The following ARNT2 variants were observed in gnomAD, a reference collection of about 807,000 sequenced individuals.
The protein encoded by ARNT2 is aryl hydrocarbon receptor nuclear translocator 2.
A neutral mutation model predicts 91.7 loss-of-function variants in ARNT2; 36 were observed. That is an observed-to-expected ratio of 0.39 (90% CI 0.30 to 0.52). The LOEUF is 0.52. ARNT2 is among the 20% of genes least tolerant of loss of function. The pLI is 0.72. For missense variants in ARNT2, 775 were observed against 939.3 expected, an observed-to-expected ratio of 0.83 and a Z score of 2.29; for synonymous variants, 365 against 347.1, an observed-to-expected ratio of 1.05 and a Z score of -0.57.
chr15:80,458,715 G>A (rs1896513447), intron 3 of ARNT2, among the ~76,000 whole-genome samples: 1 of 151,628 alleles, frequency 6.6e-6, no homozygotes. Flanking sequence ...GTTTGGCAGT[G>A]TTGACAGGAA....
chr15:80,479,685 A>T (rs918613279), intron 5 of ARNT2, among the ~76,000 whole-genome samples: 2 of 151,994 alleles, frequency 1.3e-5, no homozygotes, highest in Non-Finnish European at 2.9e-5. Flanking sequence ...GAGGAGGGGG[A>T]CTGGTGAAAA....
chr15:80,593,825 C>G lies in ARNT2; in HGVS notation c.*127C>G, dbSNP rs149391331. ...GCCCCCCACCAGAAGCCATCTCCCCCGCTGTGTGTCCCCAGGCGCATCATT... is the reference window on the plus strand; with the variant it reads ...GCCCCCCACCAGAAGCCATCTCCCCGGCTGTGTGTCCCCAGGCGCATCATT... On this transcript the variant is annotated 3_prime_UTR_variant, in exon 19 of 19. Coordinates refer to ENST00000303329, the MANE Select transcript of ARNT2 (RefSeq NM_014862.4). 3.5e-4 allele frequency: 287 copies of G among 825,768 alleles called. 1 individual carries two copies. The highest frequency in any genetic ancestry group is 4.7e-4 in the African/African-American group (28 of 59,364). 51.2% of individuals were successfully genotyped at this position (825,768 alleles called of 1,614,324 possible).
chr15:80,467,364 C>A (rs4778597), intron 3 of ARNT2, among the ~76,000 whole-genome samples: 1 of 152,006 alleles, frequency 6.6e-6, no homozygotes, highest in East Asian at 1.9e-4. Context: ...TGTGCTGAAT[C>A]GAAGATAAGT....
At chr15:80,555,283 A>G (rs1898159877) in intron 11 of ARNT2, 144 bp downstream of exon 11, 2 of 738,116 alleles carry the variant, frequency 2.7e-6, no homozygotes, top group Non-Finnish European at 4.6e-6. Context: ...CTAGGAAGTC[A>G]CTCACAGTCT....
chr15:80,561,220 A>G (rs890368187), intron 11 of ARNT2, among the ~76,000 whole-genome samples: 22 of 152,088 alleles, frequency 1.4e-4, no homozygotes, highest in Non-Finnish European at 8.8e-5. Flanking sequence ...TTCCCTGATC[A>G]CAGGGACCAA....
chr15:80,506,239 A>G (rs894384202), intron 5 of ARNT2, among the ~76,000 whole-genome samples: 3 of 152,336 alleles, frequency 2.0e-5, no homozygotes, highest in African/African-American at 7.2e-5. Context: ...CCCGGCCCCA[A>G]CATTTGTTAA....
intron 5 of ARNT2, among the ~76,000 whole-genome samples, chr15:80,496,197 A>T (rs1897124709): frequency 6.6e-6 from 1 of 152,146 alleles, no homozygotes; most frequent in South Asian, 2.1e-4. Flanking sequence ...TTTTGAAAAA[A>T]AAAAATCCAT....
At chr15:80,455,922 A>G (rs2141383951) in intron 2 of ARNT2, among the ~76,000 whole-genome samples, 1 of 152,346 alleles carries the variant, frequency 6.6e-6, no homozygotes, top group African/African-American at 2.4e-5. Flanking sequence ...TGTTTTTGAC[A>G]GCACGCACGG....
chr15:80,511,897 G>C (rs1897347829), intron 6 of ARNT2, among the ~76,000 whole-genome samples: 1 of 152,128 alleles, frequency 6.6e-6, no homozygotes, highest in Non-Finnish European at 1.5e-5. Context: ...CTACTGATGA[G>C]CCCTGAATGT....
At chr15:80,539,787 G>A (rs991585988) in intron 8 of ARNT2, among the ~76,000 whole-genome samples, 2 of 151,306 alleles carry the variant, frequency 1.3e-5, no homozygotes, top group Admixed American at 1.3e-4. Flanking sequence ...AATTATCTTA[G>A]TGTTGCTAAT....
At chr15:80,485,850 C>A (rs750139591) in intron 5 of ARNT2, among the ~76,000 whole-genome samples, 3 of 152,136 alleles carry the variant, frequency 2.0e-5, no homozygotes, top group Non-Finnish European at 2.9e-5. Context: ...TAGGAGGATG[C>A]TAGAGTTATC....
At chr15:80,502,951 A>G (rs993481303) in intron 5 of ARNT2, among the ~76,000 whole-genome samples, 5 of 152,186 alleles carry the variant, frequency 3.3e-5, no homozygotes, top group Non-Finnish European at 5.9e-5. Context: ...ATTACAAAAG[A>G]ACCAGAGTCC....
At chr15:80,530,485 C>T (rs980243367) in intron 8 of ARNT2, among the ~76,000 whole-genome samples, 5 of 152,158 alleles carry the variant, frequency 3.3e-5, no homozygotes, top group Non-Finnish European at 4.4e-5. Context: ...GCCTTTTCCT[C>T]ATATGCAGGG....
intron 2 of ARNT2, among the ~76,000 whole-genome samples, chr15:80,453,812 G>T (rs1248329353): frequency 2.0e-5 from 3 of 152,184 alleles, no homozygotes; most frequent in Non-Finnish European, 4.4e-5. Flanking sequence ...AGGAGGAATG[G>T]GGGTGGTGGA....
chr15:80,484,975 A>G (rs1896946002), intron 5 of ARNT2, among the ~76,000 whole-genome samples: 1 of 152,246 alleles, frequency 6.6e-6, no homozygotes, highest in Non-Finnish European at 1.5e-5. Flanking sequence ...AATGCAAACA[A>G]TAACGCATCT....
chr15:80,432,081 C>T (rs1300075608), intron 1 of ARNT2, among the ~76,000 whole-genome samples: 1 of 152,204 alleles, frequency 6.6e-6, no homozygotes, highest in African/African-American at 2.4e-5. Flanking sequence ...CTCCTGAAAG[C>T]TCAGCTGCAA....
intron 5 of ARNT2, among the ~76,000 whole-genome samples, chr15:80,499,439 A>C (rs1463559007): frequency 6.6e-6 from 1 of 152,216 alleles, no homozygotes; most frequent in East Asian, 1.9e-4. Context: ...TATTAGCCTG[A>C]ACTATTTGGT....
intron 1 of ARNT2, among the ~76,000 whole-genome samples, chr15:80,409,862 A>C (rs923286367): frequency 2.6e-5 from 4 of 152,174 alleles, no homozygotes; most frequent in Non-Finnish European, 5.9e-5. Context: ...TCCAGGCACA[A>C]GGAAGAGCCC....
intron 8 of ARNT2, among the ~76,000 whole-genome samples, chr15:80,545,679 A>G (rs1897979384): frequency 6.6e-6 from 1 of 152,220 alleles, no homozygotes; most frequent in Non-Finnish European, 1.5e-5. Context: ...AACAGAAGAC[A>G]ACTCTAGATG....
Sources: allele counts gnomAD v4.1 joint callset (sites outside exome capture counted in the v4.1 genomes callset), GRCh38; gene constraint gnomAD v4.1.1; transcripts MANE v1.5; gene names NCBI Gene and HGNC (gene_info 2026-07-23, HGNC 2026-07-21).